TTC38: variants seen among roughly 807,000 people sequenced by gnomAD.
TTC38 encodes the protein tetratricopeptide repeat protein 38.
TTC38 carries 64 observed loss-of-function variants against 64.2 expected under a neutral mutation model. The ratio of observed to expected loss-of-function variants is 1.00; its 90% CI spans 0.81 to 1.23. The LOEUF (loss-of-function observed/expected upper bound fraction) is 1.23, where lower values mean the gene tolerates loss of function less well. Ranked by LOEUF, TTC38 falls within the 50% of genes most tolerant of loss-of-function variation. TTC38 has a pLI of 0.00. For missense variants in TTC38, 573 were observed against 615.5 expected, an observed-to-expected ratio of 0.93 and a Z score of 0.73; for synonymous variants, 254 against 249.3, an observed-to-expected ratio of 1.02 and a Z score of -0.18.
In TTC38 at chr22:46,282,421, C is replaced by T. The variant is rs1345825937; in HGVS notation, c.735+703C>T. On this transcript the variant is annotated intron_variant, in intron 7 of 13. Coordinates refer to ENST00000381031, the MANE Select transcript of TTC38 (RefSeq NM_017931.4). This position sits in a 1 kb window ranked among gnomAD's most constrained non-coding sequence, Gnocchi z 4.4. ...TAGCACCATGGTGGAGGTGGGCCCT[C>T]TGGACAGACGGGGCTGCATCAGGTG... is the stretch of plus-strand genomic sequence containing the variant. Among the ~76,000 whole-genome samples the T allele has an allele frequency of 6.6e-6, 1 of 152,198 alleles. No individual in the cohort carries two copies. The highest frequency in any genetic ancestry group is 1.5e-5 in the Non-Finnish European group (1 of 68,022).
rs1337958554 is a variant in TTC38 at position 46,291,321 on chromosome 22, C to T, written c.1316+1422C>T. The stretch of plus-strand genomic sequence containing the variant: ...GTGGACAGGAGGGCTGAGGATGGAG[C>T]TGGGGTGACATCTGTGGGGCAGTGC... On this transcript the variant is annotated intron_variant, in intron 13 of 13. Coordinates refer to ENST00000381031, the MANE Select transcript of TTC38 (RefSeq NM_017931.4). This position sits in a 1 kb window ranked among gnomAD's most constrained non-coding sequence, Gnocchi z 4.6. Among the ~76,000 whole-genome samples the T allele has an allele frequency of 1.3e-5, 2 of 152,090 alleles. No individual in the cohort carries two copies. Among genetic ancestry groups the T allele is most frequent in the Non-Finnish European group, 2.9e-5 (2 of 68,000 alleles).
rs2077632039 is a variant in TTC38, at chr22:46,293,550, T to C, written c.*666T>C. ...AGTCTTGGAGCCCCCTGGGGGGCTCTGTTGGTGCTGATTTGGACCCGTTTC... is the reference window on the plus strand; with the variant it reads ...AGTCTTGGAGCCCCCTGGGGGGCTCCGTTGGTGCTGATTTGGACCCGTTTC... On this transcript the variant is annotated 3_prime_UTR_variant, in exon 14 of 14. Transcript: ENST00000381031. This position sits in a 1 kb window ranked among gnomAD's most constrained non-coding sequence, Gnocchi z 6.6. 1 of 152,282 alleles carries C rather than the reference T, an allele frequency of 6.6e-6. No individual in the cohort carries two copies. Among genetic ancestry groups the C allele is most frequent in the Admixed American group, 6.5e-5 (1 of 15,290 alleles). 9.4% of individuals were successfully genotyped at this position (152,282 alleles called of 1,614,324 possible).
rs372593619 is a variant in TTC38 at position 46,291,413 on chromosome 22, G to A, written c.1317-1378G>A. Among the ~76,000 whole-genome samples the A allele has an allele frequency of 6.6e-6, 1 of 152,236 alleles. No homozygotes were observed. Among genetic ancestry groups the A allele is most frequent in the African/African-American group, 2.4e-5 (1 of 41,532 alleles). ...GGCAGGGGGAGAGCAGGCTGCACAG[G>A]GAGCCGACTGCATTAGGAGACGTGG... On this transcript the variant is annotated intron_variant, in intron 13 of 13. Transcript: ENST00000381031. The surrounding 1 kb of genome is among the most constrained non-coding windows in gnomAD (Gnocchi z 4.6).
rs1310059985 is a variant in TTC38, at chr22:46,272,778, T to A, written c.193+362T>A. Among the ~76,000 whole-genome samples the A allele has an allele frequency of 6.6e-6, 1 of 152,168 alleles. No individual in the cohort carries two copies. The highest frequency in any genetic ancestry group is 1.5e-5 in the Non-Finnish European group (1 of 68,034). On this transcript the variant is annotated intron_variant, in intron 3 of 13. Coordinates refer to ENST00000381031, the MANE Select transcript of TTC38 (RefSeq NM_017931.4). This position sits in a 1 kb window ranked among gnomAD's most constrained non-coding sequence, Gnocchi z 6.4. ...ACCCCTGGGATTAGATAAAGCTTCCTGAATCCAAGGCCCAGACCCCTGGAA... is the reference window on the plus strand; with the variant it reads ...ACCCCTGGGATTAGATAAAGCTTCCAGAATCCAAGGCCCAGACCCCTGGAA...
chr22:46,280,314 C>T (rs2077524888), intron 6 of TTC38: 2 of 409,978 alleles, frequency 4.9e-6, no homozygotes, highest in Non-Finnish European at 1.0e-5. Context: ...GGCGGCAAGC[C>T]AGGGCTCCAG....
At position 46,288,542 on chromosome 22, in the gene TTC38, C is replaced by A; in HGVS notation, c.1036C>A (p.Pro346Thr). 1 of 1,613,998 alleles carries A rather than the reference C, an allele frequency of 6.2e-7. No homozygotes were observed. The highest frequency in any genetic ancestry group is 1.1e-5 in the South Asian group (1 of 91,078). ...FLMASLGAHD[P>T]QTTQELLTTL... The stretch of plus-strand genomic sequence containing the variant: ...GATGGCATCCCTGGGTGCACACGAC[C>A]CCCAGACCACACAGGAGCTGCTGAC... The change falls in exon 11 of 14, where the codon CCC becomes ACC. Residue 346 changes from proline (P) to threonine (T), a missense_variant. Physicochemically the swap from Pro to Thr is conservative, Grantham distance 38 (BLOSUM62 -1). Transcript: ENST00000381031.
At chr22:46,268,792 C>G (rs999557074) in intron 2 of TTC38, 5 of 529,812 alleles carry the variant, frequency 9.4e-6, no homozygotes, top group Non-Finnish European at 1.4e-5. Context: ...TCACGCCATT[C>G]TCGTCCCTCA....
Position 46,268,066 on chromosome 22 carries a change from C to A in TTC38, c.27C>A (p.Asp9Glu). 1 of 1,543,814 alleles carries A rather than the reference C, an allele frequency of 6.5e-7. No homozygotes were observed. ...TGGCCGCAGCCTCGCCTCTGCGCGA[C>A]TGCCAGGTACACGGAGGCTGCCCCC... is the stretch of plus-strand genomic sequence containing the variant. MAAASPLRDCQAWKDARLP... is the reference protein window; with the variant it reads MAAASPLRECQAWKDARLP... Residue 9 changes from aspartate to glutamate, a missense_variant, in exon 1 of 14, where the codon GAC (aspartate) becomes GAA (glutamate). Asp to Glu is a conservative substitution (Grantham distance 45). Transcript: ENST00000381031.
Position 46,268,528 on chromosome 22 carries a change from G to A in TTC38, c.48G>A (p.Ala16=), listed in dbSNP as rs746539769. Residue 16 remains alanine, a synonymous_variant, in exon 2 of 14, where the codon GCG becomes GCA. Coordinates refer to ENST00000381031, the MANE Select transcript of TTC38 (RefSeq NM_017931.4). The part of the protein sequence containing the change: ...PLRDCQAWKD[A]RLPLSTTSNE... ...GCCGTCTGTAGGCCTGGAAGGATGCGAGGCTCCCGCTCTCCACCACAAGCA... is the reference window on the plus strand; with the variant it reads ...GCCGTCTGTAGGCCTGGAAGGATGCAAGGCTCCCGCTCTCCACCACAAGCA... The A allele has an allele frequency of 3.2e-5, 52 of 1,613,916 alleles. 2 individuals are homozygous for A. The South Asian group carries it at 5.2e-4, about 16-fold the overall frequency.
intron 12 of TTC38, 44 bp downstream of exon 12, chr22:46,289,605 G>A: frequency 6.5e-7 from 1 of 1,549,894 alleles, no homozygotes; most frequent in Non-Finnish European, 8.7e-7. Context: ...GCCTGGGCCA[G>A]GGAGTCTGGG....
rs1936895870 is a variant in TTC38, at chr22:46,271,490, G to A, written c.112-845G>A. Among the ~76,000 whole-genome samples, 1 of 151,882 alleles carries A rather than the reference G, an allele frequency of 6.6e-6. No homozygotes were observed. The highest frequency in any genetic ancestry group is 6.6e-5 in the Admixed American group (1 of 15,246). ...GGCCTCCCAAAGTGCTGGGCTTACA[G>A]GCATGAGCCACCACACCTGGCCTTT... is the stretch of plus-strand genomic sequence containing the variant. On this transcript the variant is annotated intron_variant, in intron 2 of 13. Transcript: ENST00000381031. This position sits in a 1 kb window ranked among gnomAD's most constrained non-coding sequence, Gnocchi z 5.5.
chr22:46,283,147 C>T (rs2077547149), intron 7 of TTC38, among the ~76,000 whole-genome samples: 2 of 152,124 alleles, frequency 1.3e-5, no homozygotes, highest in East Asian at 1.9e-4. Context: ...CTATGTTGCC[C>T]AGGTGGGTCT....
chr22:46,289,495 C>T lies in TTC38; in HGVS notation c.1176C>T (p.Asp392=), dbSNP rs1173617894. The T allele has an allele frequency of 1.2e-6, 2 of 1,608,630 alleles. No homozygotes were observed. Among genetic ancestry groups the T allele is most frequent in the Non-Finnish European group, 1.7e-6 (2 of 1,179,520 alleles). Residue 392 remains aspartate (D), a synonymous_variant, in exon 12 of 14, where the codon GAC becomes GAT. Transcript: ENST00000381031. ...TGGAGGCTGAGGACGGGAACCCTGA[C>T]CGCGTCCTGGAGCTGCTCCTGCCCA... ...ALVEAEDGNP[D]RVLELLLPIR...
At chr22:46,288,636 G>A (rs1050975662) in intron 11 of TTC38, 48 bp downstream of exon 11, 1 of 1,577,976 alleles carries the variant, frequency 6.3e-7, no homozygotes, top group African/African-American at 1.3e-5. Flanking sequence ...CCTGCCGAGA[G>A]GGTGAGGGGG....
intron 5 of TTC38, among the ~76,000 whole-genome samples, chr22:46,277,622 A>T (rs1016117900): frequency 4.5e-4 from 68 of 151,800 alleles, no homozygotes; most frequent in African/African-American, 1.5e-3. Context: ...AAAAAAAAAA[A>T]AAAAAAAGAG....
Position 46,272,526 on chromosome 22 carries a change from C to A in TTC38, c.193+110C>A. 1.2e-6 allele frequency: 1 copy of A among 857,136 alleles called. No homozygotes were observed. The highest frequency in any genetic ancestry group is 1.9e-6 in the Non-Finnish European group (1 of 527,078). 53.1% of individuals were successfully genotyped at this position (857,136 alleles called of 1,614,324 possible). ...ATGGGGAAGGCAGGTTGGGTGGCAG[C>A]AACCAGGGTGGCATTTGCACAGAGG... is the stretch of plus-strand genomic sequence containing the variant. On this transcript the variant is annotated intron_variant, in intron 3 of 13. Coordinates refer to ENST00000381031, the MANE Select transcript of TTC38 (RefSeq NM_017931.4). The surrounding 1 kb of genome is among the most constrained non-coding windows in gnomAD (Gnocchi z 6.4).
intron 2 of TTC38, chr22:46,269,278 T>G: frequency 3.6e-6 from 1 of 276,080 alleles, no homozygotes; most frequent in Non-Finnish European, 7.8e-6. Context: ...GATCCTGTCC[T>G]GGGATGAATC....
intron 9 of TTC38, among the ~76,000 whole-genome samples, chr22:46,286,014 CAAAAA>C (rs573736869): frequency 1.4e-5 from 1 of 73,982 alleles, no homozygotes; most frequent in African/African-American, 5.5e-5. Context: ...GACTCTGTCT[CAAAAA>C]AAAAAAAAAA....
chr22:46,278,853 C>T (rs897273780), intron 6 of TTC38, among the ~76,000 whole-genome samples, 192 bp downstream of exon 6: 1 of 152,186 alleles, frequency 6.6e-6, no homozygotes, highest in African/African-American at 2.4e-5. Flanking sequence ...CACCTGTGGC[C>T]CCCCCAAAGT....
Sources: gnomAD v4.1 joint callset for allele counts (sites outside exome capture counted in the v4.1 genomes callset) on GRCh38, gnomAD v4.1.1 for gene constraint, Gnocchi (gnomAD v3.1) non-coding constraint, MANE v1.5 for transcripts, NCBI Gene and HGNC (gene_info 2026-07-23, HGNC 2026-07-21) for gene names.